The following DRD2 variants were observed in gnomAD, a reference collection of about 807,000 sequenced individuals.
DRD2 encodes D(2) dopamine receptor.
DRD2 carries 8 observed loss-of-function variants against 38.0 expected under a neutral mutation model. That is an observed-to-expected ratio of 0.21 (90% CI 0.12 to 0.38). DRD2 has a LOEUF of 0.38. DRD2 is among the 10% of genes least tolerant of loss of function. The pLI is 1.00. For missense variants in DRD2, 403 were observed against 607.7 expected (o/e 0.66, Z 3.54); for synonymous variants, 230 against 238.6 (o/e 0.96, Z 0.33).
At chr11:113,442,543 C>T (rs1030690775) in intron 1 of DRD2, among the ~76,000 whole-genome samples, 13 of 152,126 alleles carry the variant, frequency 8.5e-5, no homozygotes, top group Admixed American at 2.0e-4. Flanking sequence ...TCTCACCTCC[C>T]CAGCCCTGCC....
At chr11:113,433,545 C>T (rs1413167999) in intron 1 of DRD2, among the ~76,000 whole-genome samples, 2 of 152,148 alleles carry the variant, frequency 1.3e-5, no homozygotes, top group Non-Finnish European at 2.9e-5. Flanking sequence ...CCTTCTCCCC[C>T]GGCATGGGGA....
chr11:113,464,494 T>C (rs950959275), intron 1 of DRD2, among the ~76,000 whole-genome samples: 1 of 152,214 alleles, frequency 6.6e-6, no homozygotes, highest in African/African-American at 2.4e-5. Flanking sequence ...GCTCACTGTC[T>C]TCAACTCCAG....
intron 4 of DRD2, among the ~76,000 whole-genome samples, chr11:113,415,934 A>C (rs1178592953): frequency 6.6e-6 from 1 of 152,266 alleles, no homozygotes; most frequent in Non-Finnish European, 1.5e-5. Flanking sequence ...ATCCAGAAAG[A>C]ATGACACAAG....
intron 2 of DRD2, among the ~76,000 whole-genome samples, chr11:113,419,649 C>A (rs1463344163): frequency 6.6e-6 from 1 of 152,144 alleles, no homozygotes; most frequent in Non-Finnish European, 1.5e-5. Flanking sequence ...TTGGCTTCTA[C>A]CAATAGGAGC....
intron 5 of DRD2, among the ~76,000 whole-genome samples, chr11:113,414,786 A>G (rs1015871636): frequency 1.1e-4 from 16 of 152,320 alleles, no homozygotes; most frequent in African/African-American, 3.8e-4. Flanking sequence ...CATTTAACAG[A>G]TGAGGAAACA....
At chr11:113,420,973 C>A (rs1950879173) in intron 2 of DRD2, among the ~76,000 whole-genome samples, 1 of 152,168 alleles carries the variant, frequency 6.6e-6, no homozygotes, top group Non-Finnish European at 1.5e-5. Flanking sequence ...GCTGGCTCAG[C>A]TAAGTCCTAA....
intron 4 of DRD2, among the ~76,000 whole-genome samples, chr11:113,416,629 C>T (rs865987456): frequency 2.0e-5 from 3 of 152,238 alleles, no homozygotes; most frequent in Non-Finnish European, 2.9e-5. Context: ...ATTATCCCCA[C>T]TCCTCATCCA....
chr11:113,441,999 A>G (rs1951098490), intron 1 of DRD2, among the ~76,000 whole-genome samples: 1 of 151,996 alleles, frequency 6.6e-6, no homozygotes. Context: ...CATCCCCCGT[A>G]TATGGTGAAT....
intron 2 of DRD2, among the ~76,000 whole-genome samples, chr11:113,422,656 G>T (rs1217088316): frequency 1.3e-5 from 2 of 152,156 alleles, no homozygotes; most frequent in African/African-American, 4.8e-5. Flanking sequence ...ATCCAGTCAG[G>T]TCATTTTGGA....
chr11:113,474,712 C>G (rs538287792), intron 1 of DRD2, among the ~76,000 whole-genome samples: 173 of 152,088 alleles, frequency 1.1e-3, no homozygotes, highest in Non-Finnish European at 1.9e-3. Flanking sequence ...AGTGCCCTCC[C>G]GAGATTGTGG....
chr11:113,460,268 G>C (rs1233691673), intron 1 of DRD2, among the ~76,000 whole-genome samples: 1 of 152,218 alleles, frequency 6.6e-6, no homozygotes, highest in African/African-American at 2.4e-5. Flanking sequence ...GCCCTCCCCA[G>C]TCACCCCCAG....
At chr11:113,472,653 A>G (rs1343442807) in intron 1 of DRD2, among the ~76,000 whole-genome samples, 1 of 152,226 alleles carries the variant, frequency 6.6e-6, no homozygotes, top group African/African-American at 2.4e-5. Flanking sequence ...CCAGCAGGGC[A>G]TGAGTGGCTA....
At chr11:113,448,322 C>A (rs898874912) in intron 1 of DRD2, among the ~76,000 whole-genome samples, 1 of 152,306 alleles carries the variant, frequency 6.6e-6, no homozygotes, top group African/African-American at 2.4e-5. Context: ...AGGAACCAGG[C>A]AGCAACTGTG....
At chr11:113,431,391 C>A (rs1007557832) in intron 1 of DRD2, among the ~76,000 whole-genome samples, 1 of 152,192 alleles carries the variant, frequency 6.6e-6, no homozygotes, top group African/African-American at 2.4e-5. Context: ...TCCTCTGAGG[C>A]CTCCTAGGCT....
intron 1 of DRD2, among the ~76,000 whole-genome samples, chr11:113,436,959 G>T (rs1951044758): frequency 6.6e-6 from 1 of 152,088 alleles, no homozygotes; most frequent in East Asian, 1.9e-4. Context: ...GAGCCCTGGG[G>T]ACGAGCCCTG....
chr11:113,422,569 A>C (rs1591279559), intron 2 of DRD2, among the ~76,000 whole-genome samples: 1 of 152,294 alleles, frequency 6.6e-6, no homozygotes, highest in African/African-American at 2.4e-5. Flanking sequence ...TCCAGGGGGA[A>C]TTGGACTCCT....
intron 1 of DRD2, among the ~76,000 whole-genome samples, chr11:113,452,472 G>GCA (rs1220210257): frequency 1.8e-5 from 1 of 56,750 alleles, no homozygotes; most frequent in East Asian, 3.7e-4. Flanking sequence ...GTGTGTGTGC[G>GCA]CGCGCGCGCG....
intron 1 of DRD2, among the ~76,000 whole-genome samples, chr11:113,440,980 C>T (rs897808137): frequency 4.6e-5 from 7 of 152,168 alleles, no homozygotes; most frequent in African/African-American, 1.7e-4. Flanking sequence ...CCTTTTGATG[C>T]ACTAAGTGAA....
chr11:113,464,646 G>T (rs1053597157), intron 1 of DRD2, among the ~76,000 whole-genome samples: 1 of 152,212 alleles, frequency 6.6e-6, no homozygotes, highest in African/African-American at 2.4e-5. Flanking sequence ...ATCGCCAGGG[G>T]TGTTCCTCTC....
Sources: gnomAD v4.1 joint callset for allele counts (sites outside exome capture counted in the v4.1 genomes callset) on GRCh38, gnomAD v4.1.1 for gene constraint, MANE v1.5 for transcripts, NCBI Gene and HGNC (gene_info 2026-07-23, HGNC 2026-07-21) for gene names.